Variants in FHOD3 observed in about 807,000 individuals in gnomAD.
The protein encoded by FHOD3 is formin homology 2 domain containing 3, also known as FH1/FH2 domain-containing protein 3.
In FHOD3, 90 loss-of-function variants were observed where a neutral mutation model predicts 173.0. The ratio of observed to expected loss-of-function variants is 0.52; its 90% confidence interval spans 0.44 to 0.62. FHOD3 has a LOEUF of 0.62. Among genes scored for constraint, FHOD3 ranks in the 20% least tolerant of loss-of-function variants. The pLI is 0.00. For synonymous variants in FHOD3, 828 were observed against 823.0 expected (o/e 1.01, Z -0.10); for missense variants, 1,945 against 2,034.7 (o/e 0.96, Z 0.85).
In FHOD3 at chr18:36,652,874, G is replaced by C; in HGVS notation, c.1591G>C (p.Glu531Gln). Reference sequence around the variant, plus strand: ...CTTCCACCTCTTCTCCTATGACTTTGAGGACTCCTCCCTGTCCACCAAGGA... The same window carrying C: ...CTTCCACCTCTTCTCCTATGACTTTCAGGACTCCTCCCTGTCCACCAAGGA... Reference protein sequence around the residue: ...SPFHLFSYDFEDSSLSTKEKE... With the variant: ...SPFHLFSYDFQDSSLSTKEKE... The change falls in exon 12 of 29, where the codon GAG becomes CAG. Residue 531 changes from glutamate to glutamine, a missense_variant. This residue lies in a region of FHOD3 where 1,099 missense variants were observed against 1,051.2 expected (regional missense o/e 1.05). Coordinates refer to ENST00000590592, the MANE Select transcript of FHOD3 (RefSeq NM_001281740.3). The C allele has an allele frequency of 6.5e-7, 1 of 1,535,872 alleles. No homozygotes were observed. The highest frequency in any genetic ancestry group is 1.2e-5 in the South Asian group (1 of 84,050).
At chr18:36,723,065 G>A (rs148106510) in intron 19 of FHOD3, among the ~76,000 whole-genome samples, 17 of 152,230 alleles carry the variant, frequency 1.1e-4, no homozygotes, top group African/African-American at 3.9e-4. Flanking sequence ...GTGGTGAATC[G>A]TATAGGAGAA....
intron 3 of FHOD3, among the ~76,000 whole-genome samples, chr18:36,457,715 T>A (rs1452653203): frequency 6.6e-6 from 1 of 152,168 alleles, no homozygotes; most frequent in African/African-American, 2.4e-5. Flanking sequence ...TTTTTTTCTC[T>A]GAGTTGGTAC....
chr18:36,579,438 A>T (rs1472191017), intron 6 of FHOD3, among the ~76,000 whole-genome samples: 1 of 152,154 alleles, frequency 6.6e-6, no homozygotes, highest in Admixed American at 6.6e-5. Context: ...GGAAGGTGGG[A>T]TGGGTATGGG....
At chr18:36,359,741 G>C (rs139305532) in intron 2 of FHOD3, among the ~76,000 whole-genome samples, 1 of 152,182 alleles carries the variant, frequency 6.6e-6, no homozygotes, top group Admixed American at 6.5e-5. Context: ...TGACCCTGGG[G>C]ATGTAACTTC....
chr18:36,654,400 A>G (rs1042242587), intron 13 of FHOD3, among the ~76,000 whole-genome samples: 11 of 152,236 alleles, frequency 7.2e-5, no homozygotes, highest in Non-Finnish European at 1.5e-4. Flanking sequence ...GCCTGTCTAC[A>G]GTTTTTTTTA....
intron 17 of FHOD3, among the ~76,000 whole-genome samples, chr18:36,696,077 G>GCC (rs753161781): frequency 3.9e-5 from 6 of 152,130 alleles, no homozygotes; most frequent in Non-Finnish European, 7.4e-5. Flanking sequence ...GTAGTGCTGT[G>GCC]CCCCTTTTTC....
chr18:36,732,694 G>C (rs2041430115), intron 20 of FHOD3, among the ~76,000 whole-genome samples: 1 of 152,192 alleles, frequency 6.6e-6, no homozygotes, highest in Admixed American at 6.5e-5. Context: ...GGGAGATACA[G>C]AGAGAGAGAC....
At chr18:36,503,457 C>T (rs1476846044) in intron 4 of FHOD3, among the ~76,000 whole-genome samples, 1 of 152,210 alleles carries the variant, frequency 6.6e-6, no homozygotes, top group Non-Finnish European at 1.5e-5. Context: ...GTCCCATCCA[C>T]ACATTCTTGT....
At chr18:36,739,948 T>A (rs1030711141) in intron 20 of FHOD3, among the ~76,000 whole-genome samples, 5 of 152,188 alleles carry the variant, frequency 3.3e-5, no homozygotes, top group Admixed American at 6.5e-5. Context: ...ATTTCTTTTA[T>A]GTGCCTGGCT....
chr18:36,375,062 A>T (rs559495475), intron 3 of FHOD3, among the ~76,000 whole-genome samples: 1 of 152,332 alleles, frequency 6.6e-6, no homozygotes, highest in African/African-American at 2.4e-5. Context: ...AGCACTAAAT[A>T]TTATACTTTG....
At chr18:36,301,860 A>G (rs537269882) in intron 1 of FHOD3, among the ~76,000 whole-genome samples, 49 of 152,366 alleles carry the variant, frequency 3.2e-4, no homozygotes, top group African/African-American at 1.1e-3. Context: ...TAAAATGACA[A>G]TTATTACTTA....
intron 3 of FHOD3, among the ~76,000 whole-genome samples, chr18:36,471,656 A>G (rs1419740928): frequency 1.3e-5 from 2 of 152,198 alleles, no homozygotes; most frequent in African/African-American, 2.4e-5. Context: ...AGGAAATTAG[A>G]ATCACCAGGG....
At chr18:36,766,468 CACTT>C (rs1410679806) in intron 27 of FHOD3, among the ~76,000 whole-genome samples, 1 of 152,190 alleles carries the variant, frequency 6.6e-6, no homozygotes, top group Non-Finnish European at 1.5e-5. Context: ...GTCTTGCTAA[CACTT>C]ACTACTACAT....
chr18:36,658,136 C>G lies in FHOD3; in HGVS notation c.1783C>G (p.Pro595Ala), dbSNP rs140934653. ...AAGACCCTCATCTGGATCCAGTGTG[C>G]CCACCACCCCCACATCATCCGTCTC... Reference protein sequence around the residue: ...SSRPSSGSSVPTTPTSSVSPP... With the variant: ...SSRPSSGSSVATTPTSSVSPP... Residue 595 changes from proline to alanine, a missense_variant, in exon 14 of 29, where the codon CCC becomes GCC. Pro to Ala is a conservative substitution (Grantham distance 27). Around this residue, in one of 5 missense-constraint regions of FHOD3, gnomAD observed 1,099 missense variants for 1,051.2 expected, o/e 1.05. Transcript: ENST00000590592. 3.1e-6 allele frequency: 5 copies of G among 1,592,280 alleles called. No homozygotes were observed. The South Asian group carries it at 5.7e-5, about 18-fold the overall frequency.
intron 10 of FHOD3, among the ~76,000 whole-genome samples, chr18:36,630,956 G>C (rs2034470772): frequency 6.6e-6 from 1 of 152,242 alleles, no homozygotes; most frequent in African/African-American, 2.4e-5. Context: ...TGAGCTTGTA[G>C]TCAGGAGAAC....
intron 9 of FHOD3, among the ~76,000 whole-genome samples, chr18:36,615,574 C>T (rs1403411993): frequency 2.0e-5 from 3 of 152,118 alleles, no homozygotes; most frequent in African/African-American, 4.8e-5. Context: ...AACATTTTCC[C>T]TTGTCATTAC....
At chr18:36,712,740 G>T (rs2040236617) in intron 18 of FHOD3, among the ~76,000 whole-genome samples, 1 of 151,644 alleles carries the variant, frequency 6.6e-6, no homozygotes, top group South Asian at 2.1e-4. Context: ...TTTGTCAAAA[G>T]GTATAAACTC....
intron 10 of FHOD3, 46 bp downstream of exon 10, chr18:36,625,795 A>T: frequency 4.7e-6 from 7 of 1,482,386 alleles, no homozygotes; most frequent in Non-Finnish European, 6.4e-6. Context: ...GATGCCATCC[A>T]AAAGAGAGCC....
At chr18:36,440,474 C>T (rs532491015) in intron 3 of FHOD3, among the ~76,000 whole-genome samples, 33 of 152,044 alleles carry the variant, frequency 2.2e-4, no homozygotes, top group African/African-American at 4.3e-4. Flanking sequence ...CAGCTGGACG[C>T]GCTGCCCGCC....
Sources: gnomAD v4.1 joint callset for allele counts (sites outside exome capture counted in the v4.1 genomes callset) on GRCh38, gnomAD v4.1.1 for gene constraint, gnomAD v4.1.1 regional missense constraint, MANE v1.5 for transcripts, NCBI Gene and HGNC (gene_info 2026-07-23, HGNC 2026-07-21) for gene names.